The following RBFOX1 variants were observed in gnomAD, a reference collection of about 807,000 sequenced individuals.
RBFOX1 encodes RNA binding fox-1 homolog 1.
In RBFOX1, 8 loss-of-function variants were observed where a neutral mutation model predicts 57.7. The ratio of observed to expected loss-of-function variants is 0.14; its 90% CI spans 0.08 to 0.25. The LOEUF (loss-of-function observed/expected upper bound fraction) is 0.25. Among genes scored for constraint, RBFOX1 ranks in the 10% least tolerant of loss-of-function variants. RBFOX1 has a pLI of 1.00. For missense variants in RBFOX1, 611 were observed against 548.5 expected, an observed-to-expected ratio of 1.11 and a Z score of -1.14; for synonymous variants, 326 against 222.4, an observed-to-expected ratio of 1.47 and a Z score of -4.15.
At chr16:6,309,280 T>G (rs1411515506) in intron 1 of RBFOX1, among the ~76,000 whole-genome samples, 1 of 152,152 alleles carries the variant, frequency 6.6e-6, no homozygotes, top group East Asian at 1.9e-4. Context: ...TCTGGCGGGT[T>G]CAAATGCAAT....
At chr16:5,624,237 C>G (rs1003939453) in intron 3 of RBFOX1, among the ~76,000 whole-genome samples, 6 of 152,214 alleles carry the variant, frequency 3.9e-5, no homozygotes, top group Non-Finnish European at 8.8e-5. Context: ...CTCTGTCGCC[C>G]AGGCTAGAGT....
At chr16:7,652,325 T>C (rs1012769249) in intron 11 of RBFOX1, among the ~76,000 whole-genome samples, 4 of 152,156 alleles carry the variant, frequency 2.6e-5, no homozygotes, top group African/African-American at 9.7e-5. Context: ...GGGGTAATCA[T>C]CAGGCTTAAT....
intron 1 of RBFOX1, among the ~76,000 whole-genome samples, chr16:6,128,957 A>G (rs2096609885): frequency 6.6e-6 from 1 of 152,188 alleles, no homozygotes; most frequent in African/African-American, 2.4e-5. Context: ...ATGGAAACAG[A>G]CCCACCTGAC....
intron 3 of RBFOX1, among the ~76,000 whole-genome samples, chr16:5,614,839 G>A (rs1028485945): frequency 5.9e-5 from 9 of 152,234 alleles, no homozygotes; most frequent in South Asian, 2.1e-4. Flanking sequence ...TATGCTTATC[G>A]TTTAGAGAAA....
intron 11 of RBFOX1, among the ~76,000 whole-genome samples, chr16:7,638,110 A>AC (rs1403657546): frequency 2.6e-5 from 4 of 151,666 alleles, no homozygotes; most frequent in African/African-American, 9.7e-5. Context: ...CCTCCCTTCC[A>AC]CCCCCCACTT....
intron 4 of RBFOX1, among the ~76,000 whole-genome samples, chr16:7,388,957 C>G (rs1369369700): frequency 6.6e-6 from 1 of 152,106 alleles, no homozygotes; most frequent in East Asian, 1.9e-4. Context: ...GTACGCAGAG[C>G]TTAATAGAGT....
At chr16:7,443,396 G>C (rs1328559573) in intron 4 of RBFOX1, among the ~76,000 whole-genome samples, 2 of 151,232 alleles carry the variant, frequency 1.3e-5, no homozygotes, top group Non-Finnish European at 2.9e-5. Flanking sequence ...TCATGTAATT[G>C]ATTTAATAAG....
rs1345367036 is a variant in RBFOX1, at chr16:7,674,915, T to G, written c.931-1859T>G. Among the ~76,000 whole-genome samples the G allele has an allele frequency of 3.3e-5, 5 of 152,346 alleles. No homozygotes were observed. The East Asian group carries it at 9.6e-4, about 29-fold the overall frequency. ...ACCAAGAGGCTTGCAAATAGGATGTTGCTAGACATCTTTGGTGGGACCAAA... is the reference window on the plus strand; with the variant it reads ...ACCAAGAGGCTTGCAAATAGGATGTGGCTAGACATCTTTGGTGGGACCAAA... On this transcript the variant is annotated intron_variant, in intron 13 of 15. Transcript: ENST00000550418.
intron 2 of RBFOX1, among the ~76,000 whole-genome samples, chr16:6,343,627 C>A (rs2084899984): frequency 6.6e-6 from 1 of 152,162 alleles, no homozygotes; most frequent in Non-Finnish European, 1.5e-5. Context: ...TTCATGTTTC[C>A]ATGCTTCCTA....
intron 4 of RBFOX1, among the ~76,000 whole-genome samples, chr16:7,052,381 G>T (rs1325655238): frequency 4.6e-5 from 7 of 152,130 alleles, no homozygotes; most frequent in Admixed American, 1.3e-4. Flanking sequence ...CTCTTTTTAT[G>T]TACAACACGA....
chr16:6,906,719 G>A (rs1011642434), intron 3 of RBFOX1, among the ~76,000 whole-genome samples: 33 of 133,470 alleles, frequency 2.5e-4, no homozygotes, highest in Middle Eastern at 4.0e-3. Flanking sequence ...AATATTTGCA[G>A]AACTATTTTT....
chr16:6,831,981 G>T (rs1175573735), intron 3 of RBFOX1, among the ~76,000 whole-genome samples: 2 of 152,174 alleles, frequency 1.3e-5, no homozygotes, highest in Non-Finnish European at 2.9e-5. Context: ...GTTGCTAATG[G>T]GAATATACCG....
chr16:7,595,253 C>G (rs552734146), intron 7 of RBFOX1, among the ~76,000 whole-genome samples: 1 of 152,212 alleles, frequency 6.6e-6, no homozygotes, highest in South Asian at 2.1e-4. Flanking sequence ...ATTTTGATCT[C>G]ATTTTCTTTT....
rs1384203251 is a variant in RBFOX1, at chr16:5,669,990, T to C, written c.318+71029T>C. 2.0e-5 allele frequency among the ~76,000 whole-genome samples: 3 copies of C among 152,232 alleles called. No homozygotes were observed. In the South Asian group the frequency reaches 6.2e-4, roughly 32 times the overall value. ...ATTGTGGTCTATCCATACAGCAGAGTATTTTTTATCCATAAAAAGATATAG... is the reference window on the plus strand; with the variant it reads ...ATTGTGGTCTATCCATACAGCAGAGCATTTTTTATCCATAAAAAGATATAG... On this transcript the variant is annotated intron_variant, in intron 3 of 19. Transcript: ENST00000641259.
intron 4 of RBFOX1, among the ~76,000 whole-genome samples, chr16:7,395,651 T>A (rs1416678238): frequency 6.6e-6 from 1 of 152,194 alleles, no homozygotes; most frequent in Non-Finnish European, 1.5e-5. Flanking sequence ...ATATGTAGCA[T>A]GGAAGACTTA....
In RBFOX1 at chr16:5,871,570, G is replaced by C. The variant is rs138034914; in HGVS notation, c.351+4235G>C. On this transcript the variant is annotated intron_variant, in intron 4 of 19. Coordinates refer to the RBFOX1 transcript ENST00000641259. ...CGTCACGCAGCTTGCCCTGCTGAGA[G>C]AGAACGAAGTTACCTGGGCGCAGCC... is the stretch of plus-strand genomic sequence containing the variant. 8.6e-3 allele frequency among the ~76,000 whole-genome samples: 1,314 copies of C among 152,232 alleles called. 24 individuals are homozygous for C. The highest frequency in any genetic ancestry group is 0.066 in the South Asian group (320 of 4,820).
intron 2 of RBFOX1, among the ~76,000 whole-genome samples, chr16:6,431,932 T>G (rs1242693167): frequency 1.5e-4 from 23 of 150,688 alleles, no homozygotes; most frequent in South Asian, 4.2e-4. Context: ...TTTCTTTCTT[T>G]CTTTCTTTCT....
At chr16:6,359,690 C>T (rs891073096) in intron 2 of RBFOX1, among the ~76,000 whole-genome samples, 1 of 152,106 alleles carries the variant, frequency 6.6e-6, no homozygotes, top group Admixed American at 6.6e-5. Flanking sequence ...GTCACTCTAC[C>T]AACCTTTCGA....
chr16:5,600,441 A>G (rs1012074997), downstream of RBFOX1, among the ~76,000 whole-genome samples: 3 of 147,420 alleles, frequency 2.0e-5, no homozygotes, highest in Admixed American at 2.1e-4. Flanking sequence ...AGCTATGATT[A>G]TGCCACTGCA....
Sources: gnomAD v4.1 joint callset for allele counts (sites outside exome capture counted in the v4.1 genomes callset) on GRCh38, gnomAD v4.1.1 for gene constraint, MANE v1.5 for transcripts, NCBI Gene and HGNC (gene_info 2026-07-23, HGNC 2026-07-21) for gene names.